SRGAP3: variants seen among roughly 807,000 people sequenced by gnomAD.
SRGAP3 encodes the protein SLIT-ROBO Rho GTPase activating protein 3.
Under a neutral mutation model 121.1 loss-of-function variants are expected in SRGAP3, and 39 were observed. The observed-to-expected ratio is 0.32, with a 90% confidence interval of 0.25 to 0.42. The LOEUF (loss-of-function observed/expected upper bound fraction) is 0.42. Ranked by LOEUF, SRGAP3 falls within the 10% of genes least tolerant of loss-of-function variation. The probability of loss-of-function intolerance (pLI) is 1.00; values close to 1 mark genes in which losing one functional copy is unlikely to be tolerated. For missense variants in SRGAP3, 1,213 were observed against 1,470.6 expected (o/e 0.82, Z 2.86); for synonymous variants, 601 against 570.0 (o/e 1.05, Z -0.77).
chr3:9,244,168 G>A (rs1336416887), intron 1 of SRGAP3, among the ~76,000 whole-genome samples: 2 of 152,104 alleles, frequency 1.3e-5, no homozygotes, highest in South Asian at 2.1e-4. Context: ...TCTGGCTCTC[G>A]AAGTTTTTGT....
chr3:9,324,938 C>G (rs1342563772), intron 3 of SRGAP3, among the ~76,000 whole-genome samples: 1 of 150,604 alleles, frequency 6.6e-6, no homozygotes, highest in African/African-American at 2.4e-5. Flanking sequence ...GCCTGGGCGA[C>G]AGAGCCAGAC....
At chr3:9,019,150 A>T (rs1032277763) in intron 14 of SRGAP3, among the ~76,000 whole-genome samples, 1 of 152,200 alleles carries the variant, frequency 6.6e-6, no homozygotes, top group Non-Finnish European at 1.5e-5. Flanking sequence ...CTATTTTGTT[A>T]TTATAAATAT....
intron 12 of SRGAP3, among the ~76,000 whole-genome samples, chr3:9,030,101 G>A (rs866827025): frequency 2.6e-5 from 4 of 152,164 alleles, no homozygotes; most frequent in Non-Finnish European, 4.4e-5. Flanking sequence ...GCAGTGAGCC[G>A]TGATTGTGCC....
At chr3:9,277,862 A>AT (rs1385519346) in intron 3 of SRGAP3, among the ~76,000 whole-genome samples, 1 of 152,166 alleles carries the variant, frequency 6.6e-6, no homozygotes, top group Admixed American at 6.5e-5. Context: ...TAATAAGATG[A>AT]TAGTATTAGG....
rs565401882 is a variant in SRGAP3, at chr3:9,114,516, AG to A, written c.261-9675del. 1.3e-4 allele frequency among the ~76,000 whole-genome samples: 20 copies of A among 152,296 alleles called. No individual in the cohort carries two copies. The South Asian group carries it at 4.1e-3, about 32-fold the overall frequency. Reference sequence around the variant, plus strand: ...GTCCCTGTGACTCCCCCTTCATCCCAGGGCAGAATGATTCACGGGCTCACTG... The same window carrying A: ...GTCCCTGTGACTCCCCCTTCATCCCAGGCAGAATGATTCACGGGCTCACTG... On this transcript the variant is annotated intron_variant, in intron 2 of 21. Transcript: ENST00000383836.
At chr3:9,073,091 A>G (rs1353684435) in intron 4 of SRGAP3, among the ~76,000 whole-genome samples, 1 of 152,216 alleles carries the variant, frequency 6.6e-6, no homozygotes, top group African/African-American at 2.4e-5. Flanking sequence ...TGCTAATGTG[A>G]AGTATCATTT....
intron 3 of SRGAP3, among the ~76,000 whole-genome samples, chr3:9,282,271 T>C (rs1345068617): frequency 6.6e-6 from 1 of 152,240 alleles, no homozygotes; most frequent in African/African-American, 2.4e-5. Context: ...AACTACTTAT[T>C]AGTTTACTTT....
At chr3:9,338,564 A>C (rs769997925) in intron 1 of SRGAP3, among the ~76,000 whole-genome samples, 1 of 152,204 alleles carries the variant, frequency 6.6e-6, no homozygotes, top group Non-Finnish European at 1.5e-5. Flanking sequence ...AGCCAGACCA[A>C]TCCCTTCTCT....
chr3:9,202,680 G>A (rs1952109355), intron 1 of SRGAP3, among the ~76,000 whole-genome samples: 1 of 152,088 alleles, frequency 6.6e-6, no homozygotes, highest in East Asian at 1.9e-4. Flanking sequence ...TGTCCACTCT[G>A]TGGGAACCCC....
chr3:9,316,176 G>A (rs1298214695), intron 3 of SRGAP3, among the ~76,000 whole-genome samples: 1 of 152,036 alleles, frequency 6.6e-6, no homozygotes, highest in Non-Finnish European at 1.5e-5. Flanking sequence ...AGCCATCCAA[G>A]TTGCTGGGAT....
At chr3:9,246,333 T>C (rs1311176155) in intron 1 of SRGAP3, among the ~76,000 whole-genome samples, 1 of 152,196 alleles carries the variant, frequency 6.6e-6, no homozygotes, top group African/African-American at 2.4e-5. Flanking sequence ...CCTCGGGCAC[T>C]GTTTTTGGTG....
rs757456083 is a variant in SRGAP3 at position 9,104,788 on chromosome 3, C to T, written c.315G>A (p.Gln105=). Residue 105 remains glutamine, a synonymous_variant, in exon 3 of 22, where the codon CAG becomes CAA. Coordinates refer to ENST00000383836, the MANE Select transcript of SRGAP3 (RefSeq NM_014850.4). ...PVNCWYLVLH[Q]TRRESRDHAT... ...CATGGTCTCGGCTCTCCCGCCGGGT[C>T]TGATGCAGAACCAGATACCAACAGT... 8.1e-6 allele frequency: 13 copies of T among 1,614,124 alleles called. No homozygotes were observed. The Admixed American group carries it at 1.0e-4, about 12-fold the overall frequency.
intron 1 of SRGAP3, among the ~76,000 whole-genome samples, chr3:9,143,812 A>C (rs1211184833): frequency 6.6e-6 from 1 of 152,076 alleles, no homozygotes; most frequent in African/African-American, 2.4e-5. Context: ...CTGAGGAGAC[A>C]ACACCTTGAT....
chr3:9,176,484 A>T (rs532434095), intron 1 of SRGAP3, among the ~76,000 whole-genome samples: 3 of 152,362 alleles, frequency 2.0e-5, no homozygotes, highest in African/African-American at 7.2e-5. Context: ...ATTTGACCAC[A>T]GATTTTACCC....
At chr3:9,088,869 C>A (rs1304130083) in intron 3 of SRGAP3, among the ~76,000 whole-genome samples, 1 of 152,136 alleles carries the variant, frequency 6.6e-6, no homozygotes, top group African/African-American at 2.4e-5. Flanking sequence ...CCCTTCGGTA[C>A]GGGCTTGTGC....
chr3:9,268,624 A>G (rs1954415023), intron 3 of SRGAP3, among the ~76,000 whole-genome samples: 1 of 152,134 alleles, frequency 6.6e-6, no homozygotes, highest in Non-Finnish European at 1.5e-5. Flanking sequence ...TAAGAGACCC[A>G]CAAGCCGAGG....
intron 1 of SRGAP3, among the ~76,000 whole-genome samples, chr3:9,332,964 C>A (rs4053784): frequency 7.2e-5 from 11 of 151,994 alleles, no homozygotes; most frequent in Admixed American, 5.9e-4. Context: ...CCCACTATAC[C>A]AAGAGATGTT....
At chr3:9,032,510 G>C (rs1260585214) in intron 12 of SRGAP3, 140 bp downstream of exon 12, 1 of 790,572 alleles carries the variant, frequency 1.3e-6, no homozygotes, top group Non-Finnish European at 2.2e-6. Flanking sequence ...CCTTGCTGAA[G>C]CTAAGAGCAG....
chr3:9,302,481 C>T (rs909387694), intron 3 of SRGAP3, among the ~76,000 whole-genome samples: 6 of 152,114 alleles, frequency 3.9e-5, no homozygotes, highest in Admixed American at 3.3e-4. Context: ...CTCAGGTGGG[C>T]GTGGGGAGCT....
Sources: allele counts gnomAD v4.1 joint callset (sites outside exome capture counted in the v4.1 genomes callset), GRCh38; gene constraint gnomAD v4.1.1; transcripts MANE v1.5; gene names NCBI Gene and HGNC (gene_info 2026-07-23, HGNC 2026-07-21).